TAFA2: variants seen among roughly 807,000 people sequenced by gnomAD.
The protein encoded by TAFA2 is TAFA chemokine like family member 2.
In TAFA2, 7 loss-of-function variants were observed where a neutral mutation model predicts 18.8. The observed-to-expected ratio is 0.37, with a 90% CI of 0.21 to 0.70. The LOEUF (loss-of-function observed/expected upper bound fraction) is 0.70. Ranked by LOEUF, TAFA2 falls within the 30% of genes least tolerant of loss-of-function variation. The probability of loss-of-function intolerance (pLI) is 0.53; values close to 1 mark genes in which losing one functional copy is unlikely to be tolerated. For synonymous variants in TAFA2, 60 were observed against 54.2 expected (o/e 1.11, Z -0.47); for missense variants, 122 against 158.1 (o/e 0.77, Z 1.23).
At chr12:61,861,901 G>A (rs991976550) in intron 2 of TAFA2, among the ~76,000 whole-genome samples, 3 of 152,152 alleles carry the variant, frequency 2.0e-5, no homozygotes, top group African/African-American at 7.2e-5. Context: ...ACTCAGACCA[G>A]TAATTAGCTT....
chr12:62,099,862 T>G (rs1869112834), intron 1 of TAFA2, among the ~76,000 whole-genome samples: 1 of 152,196 alleles, frequency 6.6e-6, no homozygotes, highest in African/African-American at 2.4e-5. Context: ...GAGATGGATC[T>G]GGATGCAAAT....
chr12:61,895,113 C>T (rs973919227), intron 1 of TAFA2, among the ~76,000 whole-genome samples: 1 of 152,068 alleles, frequency 6.6e-6, no homozygotes, highest in Non-Finnish European at 1.5e-5. Context: ...GGTCTGGTAC[C>T]TAGCAGTGAG....
intron 1 of TAFA2, among the ~76,000 whole-genome samples, chr12:61,976,517 G>A (rs977087983): frequency 5.3e-5 from 8 of 151,766 alleles, no homozygotes; most frequent in African/African-American, 1.9e-4. Context: ...AATCAGCAAT[G>A]TTTATTATAA....
Position 61,709,461 on chromosome 12 carries a change from A to G in TAFA2, c.*945T>C, listed in dbSNP as rs959452901. ...AGTTTTTTAAAAAATACTGGAAGAAATCTAAGTGAATAATGTTCAAGCTAA... is the reference window on the plus strand; with the variant it reads ...AGTTTTTTAAAAAATACTGGAAGAAGTCTAAGTGAATAATGTTCAAGCTAA... On this transcript the variant is annotated 3_prime_UTR_variant, in exon 5 of 5. Transcript: ENST00000416284. 5 of 152,102 alleles carry G rather than the reference A, an allele frequency of 3.3e-5. No individual in the cohort carries two copies. Among genetic ancestry groups the G allele is most frequent in the African/African-American group, 1.2e-4 (5 of 41,452 alleles). 9.4% of individuals were successfully genotyped at this position (152,102 alleles called of 1,614,324 possible).
chr12:62,140,840 T>C (rs1276915682), intron 1 of TAFA2, among the ~76,000 whole-genome samples: 5 of 152,166 alleles, frequency 3.3e-5, no homozygotes, highest in Non-Finnish European at 7.3e-5. Context: ...TCAAAGACTA[T>C]AGGCCTTGCT....
chr12:62,029,933 T>G (rs1284818946), intron 1 of TAFA2, among the ~76,000 whole-genome samples: 1 of 152,042 alleles, frequency 6.6e-6, no homozygotes, highest in African/African-American at 2.4e-5. Flanking sequence ...CAGCAATGTC[T>G]GAAAGAAAAA....
intron 1 of TAFA2, among the ~76,000 whole-genome samples, chr12:62,089,080 C>A (rs1868595994): frequency 6.6e-6 from 1 of 152,100 alleles, no homozygotes; most frequent in Non-Finnish European, 1.5e-5. Flanking sequence ...CAACAAATAT[C>A]CACAAGGCCA....
intron 4 of TAFA2, among the ~76,000 whole-genome samples, chr12:61,750,432 C>T (rs1314539726): frequency 1.3e-5 from 2 of 152,094 alleles, no homozygotes; most frequent in East Asian, 1.9e-4. Flanking sequence ...CAACAAAACA[C>T]TCAAGTTCCA....
At chr12:62,038,359 T>C (rs757451741) in intron 1 of TAFA2, among the ~76,000 whole-genome samples, 1 of 152,218 alleles carries the variant, frequency 6.6e-6, no homozygotes, top group Non-Finnish European at 1.5e-5. Context: ...ATCTTCCTTC[T>C]TTGTCTGCAG....
intron 1 of TAFA2, among the ~76,000 whole-genome samples, chr12:62,168,945 TACACAC>T (rs147184565): frequency 2.3e-4 from 34 of 148,938 alleles, no homozygotes; most frequent in African/African-American, 7.9e-4. Flanking sequence ...ACTCACTCTC[TACACAC>T]ACACACACAC....
At chr12:61,846,298 C>T (rs1873403178) in intron 2 of TAFA2, among the ~76,000 whole-genome samples, 1 of 152,140 alleles carries the variant, frequency 6.6e-6, no homozygotes, top group Non-Finnish European at 1.5e-5. Flanking sequence ...GCCCATATTC[C>T]TCAGCACACC....
At chr12:61,939,291 T>C (rs919360116) in intron 1 of TAFA2, among the ~76,000 whole-genome samples, 3 of 152,240 alleles carry the variant, frequency 2.0e-5, no homozygotes, top group African/African-American at 7.2e-5. Flanking sequence ...TTAATTTATA[T>C]TGTCATTTTA....
chr12:61,891,890 C>A (rs1875652035), intron 1 of TAFA2, among the ~76,000 whole-genome samples: 1 of 152,006 alleles, frequency 6.6e-6, no homozygotes, highest in Non-Finnish European at 1.5e-5. Flanking sequence ...AGTAGGAAGC[C>A]ACTGGAAAGT....
intron 1 of TAFA2, among the ~76,000 whole-genome samples, chr12:62,149,593 A>G (rs2136918134): frequency 6.7e-6 from 1 of 148,852 alleles, no homozygotes; most frequent in South Asian, 2.1e-4. Flanking sequence ...CACATTATAT[A>G]TATATATATA....
intron 1 of TAFA2, among the ~76,000 whole-genome samples, chr12:61,955,737 A>C (rs1878674671): frequency 6.8e-6 from 1 of 147,818 alleles, no homozygotes; most frequent in Non-Finnish European, 1.5e-5. Context: ...TTTTTTAAAA[A>C]AATTGCAAAA....
chr12:61,805,937 A>T (rs1401429007), intron 2 of TAFA2, among the ~76,000 whole-genome samples: 3 of 152,150 alleles, frequency 2.0e-5, no homozygotes, highest in Admixed American at 1.3e-4. Flanking sequence ...CATAACACTA[A>T]CTACAAACAT....
intron 1 of TAFA2, among the ~76,000 whole-genome samples, chr12:61,909,894 A>T (rs1483737060): frequency 3.3e-5 from 5 of 152,222 alleles, no homozygotes; most frequent in African/African-American, 1.2e-4. Context: ...AGGAACAAAT[A>T]CCATACTGCC....
At chr12:62,145,799 C>T (rs572277048) in intron 1 of TAFA2, among the ~76,000 whole-genome samples, 20 of 152,212 alleles carry the variant, frequency 1.3e-4, no homozygotes, top group Non-Finnish European at 2.9e-4. Context: ...GCAAGGCATC[C>T]TCGCTTGACA....
intron 1 of TAFA2, among the ~76,000 whole-genome samples, chr12:62,173,972 TA>T (rs1449382872): frequency 1.3e-5 from 2 of 152,112 alleles, no homozygotes; most frequent in Non-Finnish European, 2.9e-5. Flanking sequence ...ATGCAGTAGT[TA>T]AGTGATGAGA....
Sources: allele counts gnomAD v4.1 joint callset (sites outside exome capture counted in the v4.1 genomes callset), GRCh38; gene constraint gnomAD v4.1.1; transcripts MANE v1.5; gene names NCBI Gene and HGNC (gene_info 2026-07-23, HGNC 2026-07-21).